The following CCDC73 variants were observed in gnomAD, a reference collection of about 807,000 sequenced individuals.
The protein encoded by CCDC73 is coiled-coil domain-containing protein 73.
CCDC73 carries 95 observed loss-of-function variants against 116.5 expected under a neutral mutation model. The observed-to-expected ratio is 0.82, with a 90% CI of 0.69 to 0.97. The LOEUF (loss-of-function observed/expected upper bound fraction) is 0.97, where lower values mean the gene tolerates loss of function less well. CCDC73 is among the 50% of genes least tolerant of loss of function. CCDC73 has a pLI of 0.00. For synonymous variants in CCDC73, 398 were observed against 401.3 expected, an observed-to-expected ratio of 0.99 and a Z score of 0.10; for missense variants, 1,066 against 1,206.8, an observed-to-expected ratio of 0.88 and a Z score of 1.73.
intron 6 of CCDC73, among the ~76,000 whole-genome samples, chr11:32,693,660 T>C (rs1856282255): frequency 6.6e-6 from 1 of 151,978 alleles, no homozygotes; most frequent in Non-Finnish European, 1.5e-5. Flanking sequence ...GATGCAAAAA[T>C]CCTCAATAAA....
chr11:32,727,939 A>G (rs1850042904), intron 2 of CCDC73, among the ~76,000 whole-genome samples: 1 of 152,030 alleles, frequency 6.6e-6, no homozygotes, highest in South Asian at 2.1e-4. Context: ...TACATTTAAT[A>G]GCTGAAATTC....
the CCDC73 span, among the ~76,000 whole-genome samples, chr11:32,817,080 C>G: frequency 6.6e-6 from 1 of 152,238 alleles, no homozygotes; most frequent in African/African-American, 2.4e-5. Context: ...CCACCACGCT[C>G]AGCCCTAAAT....
chr11:32,802,244 A>G, the CCDC73 span, among the ~76,000 whole-genome samples: 2 of 152,174 alleles, frequency 1.3e-5, no homozygotes, highest in African/African-American at 4.8e-5. Context: ...TTACTATATG[A>G]AATGTCTAAT....
intron 1 of CCDC73, among the ~76,000 whole-genome samples, chr11:32,776,936 AATATATAT>A (rs1169476616): frequency 2.7e-5 from 1 of 36,464 alleles, no homozygotes; most frequent in African/African-American, 8.3e-5. Flanking sequence ...AAAAAAAAAA[AATATATAT>A]ATATATATAT....
intron 9 of CCDC73, 76 bp downstream of exon 9, chr11:32,675,489 G>T: frequency 4.5e-6 from 4 of 892,842 alleles, no homozygotes; most frequent in Non-Finnish European, 5.0e-6. Context: ...CTACCCAACT[G>T]TCCTCTAGTA....
At chr11:32,616,184 T>G (rs1361030411) in intron 14 of CCDC73, 55 bp from the exon 15 acceptor site, 4 of 1,466,678 alleles carry the variant, frequency 2.7e-6, no homozygotes, top group Non-Finnish European at 3.7e-6. Context: ...GTATAAAACA[T>G]TTGAGCAAAT....
chr11:32,711,863 A>G (rs1399077985), intron 3 of CCDC73, among the ~76,000 whole-genome samples: 1 of 152,136 alleles, frequency 6.6e-6, no homozygotes, highest in Non-Finnish European at 1.5e-5. Flanking sequence ...CAAGCCCTTA[A>G]TGCTCTAACA....
chr11:32,684,293 T>G (rs995234550), intron 6 of CCDC73, among the ~76,000 whole-genome samples: 2 of 152,126 alleles, frequency 1.3e-5, no homozygotes, highest in African/African-American at 4.8e-5. Flanking sequence ...GCTCAAGAGA[T>G]CCTCCAGCCT....
chr11:32,715,742 AC>A (rs533409184), intron 3 of CCDC73, among the ~76,000 whole-genome samples: 36 of 152,298 alleles, frequency 2.4e-4, no homozygotes, highest in South Asian at 1.2e-3. Flanking sequence ...GTTCCAGGAA[AC>A]CTTTGCCCAG....
At chr11:32,637,017 C>CTTTTTTTTTTTTT (rs71063750) in intron 13 of CCDC73, among the ~76,000 whole-genome samples, 14 of 87,952 alleles carry the variant, frequency 1.6e-4, no homozygotes, top group African/African-American at 2.4e-4. Context: ...TTTTCTTTTT[C>CTTTTTTTTTTTTT]TTTTTTTTTT....
At chr11:32,799,717 G>A in the CCDC73 span, among the ~76,000 whole-genome samples, 6 of 152,226 alleles carry the variant, frequency 3.9e-5, no homozygotes, top group Admixed American at 1.3e-4. Context: ...CCTAGAGCTG[G>A]TTAGAATTGG....
chr11:32,689,666 T>G (rs1485528064), intron 6 of CCDC73, among the ~76,000 whole-genome samples: 1 of 151,578 alleles, frequency 6.6e-6, no homozygotes, highest in East Asian at 1.9e-4. Context: ...AAAACATAAG[T>G]TATATGGCAG....
intron 1 of CCDC73, among the ~76,000 whole-genome samples, chr11:32,793,745 G>A (rs1850697477): frequency 6.6e-6 from 1 of 152,048 alleles, no homozygotes; most frequent in East Asian, 1.9e-4. Flanking sequence ...TGAGTAGCTG[G>A]GACTACAGGT....
chr11:32,717,928 T>C (rs1375764798), intron 3 of CCDC73, 148 bp downstream of exon 3: 1 of 544,894 alleles, frequency 1.8e-6, no homozygotes, highest in South Asian at 2.7e-5. Context: ...TTAGATCTCA[T>C]GAGAACTATC....
rs533296463 is a variant in CCDC73 at position 32,729,346 on chromosome 11, G to T, written c.136-11199C>A. ...CCATCCATGTCTCTGCAAAGGACAT[G>T]ATCTCGTTCCTTTTTATGGCTGCAT... On this transcript the variant is annotated intron_variant, in intron 2 of 17. Transcript: ENST00000335185. Among the ~76,000 whole-genome samples, 28 of 152,270 alleles carry T rather than the reference G, an allele frequency of 1.8e-4. No homozygotes were observed. In the East Asian group the frequency reaches 5.4e-3, roughly 29 times the overall value.
intron 2 of CCDC73, chr11:32,758,655 A>C (rs1850364385): frequency 1.0e-5 from 3 of 291,738 alleles, no homozygotes; most frequent in South Asian, 9.8e-5. Context: ...AGAAAAAAAA[A>C]ACGCTATTCC....
the CCDC73 span, among the ~76,000 whole-genome samples, chr11:32,829,473 T>C: frequency 1.3e-5 from 2 of 152,214 alleles, no homozygotes; most frequent in Non-Finnish European, 1.5e-5. Context: ...TGTAATCAAT[T>C]ACTTGTAAGG....
intron 1 of CCDC73, among the ~76,000 whole-genome samples, chr11:32,793,999 A>C (rs1426400363): frequency 6.6e-6 from 1 of 152,194 alleles, no homozygotes; most frequent in Non-Finnish European, 1.5e-5. Flanking sequence ...TTGCTCGTGC[A>C]AGGCAGTTTG....
At chr11:32,817,338 G>A in the CCDC73 span, among the ~76,000 whole-genome samples, 1 of 152,330 alleles carries the variant, frequency 6.6e-6, no homozygotes, top group South Asian at 2.1e-4. Flanking sequence ...GGGTTAAAAG[G>A]ACTGAATCAT....
Sources: gnomAD v4.1 joint callset for allele counts (sites outside exome capture counted in the v4.1 genomes callset) on GRCh38, gnomAD v4.1.1 for gene constraint, MANE v1.5 for transcripts, NCBI Gene and HGNC (gene_info 2026-07-23, HGNC 2026-07-21) for gene names.